The following DIAPH3 variants were observed in gnomAD, a reference collection of about 807,000 sequenced individuals.
DIAPH3 encodes the protein protein diaphanous homolog 3.
DIAPH3 carries 117 observed loss-of-function variants against 144.3 expected under a neutral mutation model. The ratio of observed to expected loss-of-function variants is 0.81; its 90% CI spans 0.70 to 0.95. DIAPH3 has a LOEUF of 0.95. DIAPH3 is among the 40% of genes least tolerant of loss of function. The pLI is 0.00. For synonymous variants in DIAPH3, 519 were observed against 488.9 expected, an observed-to-expected ratio of 1.06 and a Z score of -0.81; for missense variants, 1,421 against 1,412.7, an observed-to-expected ratio of 1.01 and a Z score of -0.09.
intron 27 of DIAPH3, among the ~76,000 whole-genome samples, chr13:59,671,697 T>C (rs1427005905): frequency 1.3e-5 from 2 of 152,230 alleles, no homozygotes; most frequent in Admixed American, 1.3e-4. Flanking sequence ...TGAGAATACA[T>C]GCTATTTTCC....
At chr13:59,683,065 T>C (rs1298364642) in intron 27 of DIAPH3, among the ~76,000 whole-genome samples, 3 of 152,202 alleles carry the variant, frequency 2.0e-5, no homozygotes, top group Admixed American at 2.0e-4. Context: ...ATTCATTTAG[T>C]CAAAAGTATG....
In DIAPH3 at chr13:59,925,013, A is replaced by C; in HGVS notation, c.2075-143T>G. ...GTTATAAAAACAAATAAAACGATAG[A>C]TATCCCAAGACCTGAACTGTTGAAG... On this transcript the variant is annotated intron_variant, in intron 17 of 27. Transcript: ENST00000400324. The C allele has an allele frequency of 2.1e-6, 3 of 1,395,616 alleles. No homozygotes were observed. The South Asian group carries it at 4.3e-5, about 20-fold the overall frequency. The allele number at this position is 1,395,616 out of a possible 1,614,324, so 86.5% of individuals were successfully genotyped here.
At position 59,970,035 on chromosome 13, in the gene DIAPH3, T is replaced by C; in HGVS notation, c.1983A>G (p.Glu661=). The change falls in exon 17 of 28, where the codon GAA becomes GAG. Residue 661 remains glutamate (E), a synonymous_variant. Transcript: ENST00000400324. ...WLKIRPHEMT[E]NCFWIKVNEN... ...CATTTACTTTTATCCAGAAACAGTT[T>C]TCAGTCATTTCATGAGGTCTGATCT... 2 of 1,602,338 alleles carry C rather than the reference T, an allele frequency of 1.2e-6. No homozygotes were observed. Among genetic ancestry groups the C allele is most frequent in the Non-Finnish European group, 1.7e-6 (2 of 1,172,110 alleles).
At chr13:59,999,624 C>T (rs2052407305) in intron 9 of DIAPH3, among the ~76,000 whole-genome samples, 1 of 152,136 alleles carries the variant, frequency 6.6e-6, no homozygotes, top group South Asian at 2.1e-4. Flanking sequence ...AGCAAGTATA[C>T]TAAAATAGAC....
intron 16 of DIAPH3, 104 bp downstream of exon 16, chr13:59,970,748 A>G: frequency 1.9e-6 from 2 of 1,033,534 alleles, no homozygotes; most frequent in Non-Finnish European, 2.7e-6. Context: ...TATAAATTAA[A>G]TTATGTAGGC....
In DIAPH3 at chr13:59,909,608, G is replaced by A. The variant is rs529138395; in HGVS notation, c.2367+2127C>T. On this transcript the variant is annotated intron_variant, in intron 20 of 27. Transcript: ENST00000400324. ...TATTAGTACCACAGAAACCAGAACC[G>A]AAAACAATTTGTTCAAGAGTATATT... 5.3e-5 allele frequency among the ~76,000 whole-genome samples: 8 copies of A among 152,160 alleles called. No individual in the cohort carries two copies. The South Asian group carries it at 8.3e-4, about 16-fold the overall frequency.
intron 20 of DIAPH3, among the ~76,000 whole-genome samples, chr13:59,895,550 C>G (rs544175752): frequency 1.3e-5 from 2 of 151,316 alleles, no homozygotes; most frequent in African/African-American, 4.9e-5. Context: ...ATAAGAAAAG[C>G]GAAAAAGGGA....
intron 22 of DIAPH3, among the ~76,000 whole-genome samples, chr13:59,858,759 C>T (rs1566425183): frequency 6.6e-6 from 1 of 152,040 alleles, no homozygotes; most frequent in Non-Finnish European, 1.5e-5. Flanking sequence ...AGAAATATTA[C>T]AATGGTATAC....
intron 1 of DIAPH3, among the ~76,000 whole-genome samples, chr13:60,133,260 T>C (rs946860697): frequency 6.6e-6 from 1 of 152,096 alleles, no homozygotes; most frequent in Non-Finnish European, 1.5e-5. Flanking sequence ...ACAATAAATA[T>C]ATTATCCCAA....
At chr13:60,044,922 C>T (rs1196566646) in intron 4 of DIAPH3, among the ~76,000 whole-genome samples, 4 of 152,292 alleles carry the variant, frequency 2.6e-5, no homozygotes, top group African/African-American at 2.4e-5. Context: ...CCCCCACCTT[C>T]GCTTGGCACT....
At chr13:59,842,611 C>A (rs2042412111) in intron 22 of DIAPH3, among the ~76,000 whole-genome samples, 1 of 152,088 alleles carries the variant, frequency 6.6e-6, no homozygotes, top group Non-Finnish European at 1.5e-5. Context: ...TCCCACAAAA[C>A]TACCCTCATT....
intron 27 of DIAPH3, among the ~76,000 whole-genome samples, chr13:59,677,714 T>G (rs958936767): frequency 2.0e-5 from 3 of 152,210 alleles, no homozygotes; most frequent in Non-Finnish European, 4.4e-5. Context: ...TATTTAGAGT[T>G]GAATATGTAT....
At chr13:59,713,670 C>T (rs1444299158) in intron 27 of DIAPH3, among the ~76,000 whole-genome samples, 1 of 151,950 alleles carries the variant, frequency 6.6e-6, no homozygotes, top group East Asian at 1.9e-4. Context: ...TTTTTGATGG[C>T]AGAGACAGCC....
chr13:59,937,694 TTGAC>T (rs764574305), intron 17 of DIAPH3, among the ~76,000 whole-genome samples: 31 of 152,252 alleles, frequency 2.0e-4, no homozygotes, highest in Admixed American at 5.9e-4. Context: ...TGAAAAAGAA[TTGAC>T]TGACAGCAAA....
At chr13:59,729,396 C>T (rs531484473) in intron 27 of DIAPH3, among the ~76,000 whole-genome samples, 7 of 152,064 alleles carry the variant, frequency 4.6e-5, no homozygotes, top group African/African-American at 1.7e-4. Flanking sequence ...CAGAAGCAAA[C>T]AGTAATTAAA....
intron 9 of DIAPH3, among the ~76,000 whole-genome samples, chr13:59,997,432 T>C (rs2052271982): frequency 6.6e-6 from 1 of 152,170 alleles, no homozygotes; most frequent in African/African-American, 2.4e-5. Flanking sequence ...CACATTTTCT[T>C]TATCCATTCA....
chr13:60,163,084 G>A (rs1952378800), intron 1 of DIAPH3, among the ~76,000 whole-genome samples: 1 of 152,114 alleles, frequency 6.6e-6, no homozygotes, highest in South Asian at 2.1e-4. Context: ...CAAATATTTA[G>A]AATTCTTTCC....
chr13:60,060,258 A>G (rs2056712940), intron 4 of DIAPH3, among the ~76,000 whole-genome samples: 1 of 152,116 alleles, frequency 6.6e-6, no homozygotes, highest in Non-Finnish European at 1.5e-5. Flanking sequence ...AAAAATAAAT[A>G]GTAGAGAGGA....
At chr13:60,120,031 G>A (rs1428021525) in intron 2 of DIAPH3, among the ~76,000 whole-genome samples, 2 of 152,048 alleles carry the variant, frequency 1.3e-5, no homozygotes, top group Non-Finnish European at 2.9e-5. Context: ...ATAATTTAAG[G>A]TAGAATATTG....
Sources: allele counts gnomAD v4.1 joint callset (sites outside exome capture counted in the v4.1 genomes callset), GRCh38; gene constraint gnomAD v4.1.1; transcripts MANE v1.5; gene names NCBI Gene and HGNC (gene_info 2026-07-23, HGNC 2026-07-21).